The following CCDC83 variants were observed in gnomAD, a reference collection of about 807,000 sequenced individuals.
CCDC83 encodes coiled-coil domain containing 83.
CCDC83 carries 54 observed loss-of-function variants against 50.1 expected under a neutral mutation model. The ratio of observed to expected loss-of-function variants is 1.08; its 90% CI spans 0.87 to 1.35. The LOEUF is 1.35. Among genes scored for constraint, CCDC83 ranks in the 40% most tolerant of loss-of-function variants. The probability of loss-of-function intolerance (pLI) is 0.00; values close to 1 mark genes in which losing one functional copy is unlikely to be tolerated. For missense variants in CCDC83, 518 were observed against 473.9 expected (o/e 1.09, Z -0.86); for synonymous variants, 161 against 153.3 (o/e 1.05, Z -0.37).
At chr11:85,863,309 C>T (rs1032239892) in intron 1 of CCDC83, among the ~76,000 whole-genome samples, 5 of 152,184 alleles carry the variant, frequency 3.3e-5, no homozygotes, top group African/African-American at 1.2e-4. Context: ...TTCAACTCTG[C>T]ATCTGAAACA....
At chr11:85,905,654 A>C (rs1202356162) in intron 7 of CCDC83, among the ~76,000 whole-genome samples, 1 of 151,024 alleles carries the variant, frequency 6.6e-6, no homozygotes, top group Non-Finnish European at 1.5e-5. Context: ...TTAAAACCTC[A>C]AGGTGAGCTC....
intron 10 of CCDC83, among the ~76,000 whole-genome samples, chr11:85,917,590 A>T (rs1300134435): frequency 6.6e-6 from 1 of 152,208 alleles, no homozygotes; most frequent in East Asian, 1.9e-4. Context: ...AGTTACTCCC[A>T]CAGCCATCCC....
chr11:85,902,748 C>G (rs899829473), intron 7 of CCDC83, among the ~76,000 whole-genome samples: 2 of 152,100 alleles, frequency 1.3e-5, no homozygotes, highest in African/African-American at 4.8e-5. Context: ...ACCCCTCCAC[C>G]TTCCCCACCC....
chr11:85,917,514 T>C (rs1455238046), intron 10 of CCDC83, among the ~76,000 whole-genome samples: 2 of 152,216 alleles, frequency 1.3e-5, no homozygotes, highest in African/African-American at 4.8e-5. Context: ...AGATTGCACA[T>C]ATACCATTCA....
At chr11:85,908,679 G>A (rs2093437673) in intron 7 of CCDC83, among the ~76,000 whole-genome samples, 1 of 151,538 alleles carries the variant, frequency 6.6e-6, no homozygotes, top group Admixed American at 6.6e-5. Context: ...GAAGCAAGCA[G>A]CTTGCTTGAA....
At chr11:85,884,521 G>A (rs962564450) in intron 4 of CCDC83, among the ~76,000 whole-genome samples, 1 of 152,110 alleles carries the variant, frequency 6.6e-6, no homozygotes, top group African/African-American at 2.4e-5. Flanking sequence ...TCAGTTGCAA[G>A]GATAAAAAAT....
rs573732429 is a variant in CCDC83, at chr11:85,900,928, G to A, written c.672+1913G>A. On this transcript the variant is annotated intron_variant, in intron 7 of 10. Coordinates refer to ENST00000342404, the MANE Select transcript of CCDC83 (RefSeq NM_001286159.2). ...AAAAATACAAAAGTTAGCTGGTCACGGTGGCTCACACCTGTAGTCCCAGCT... is the reference window on the plus strand; with the variant it reads ...AAAAATACAAAAGTTAGCTGGTCACAGTGGCTCACACCTGTAGTCCCAGCT... Among the ~76,000 whole-genome samples, 62 of 152,022 alleles carry A rather than the reference G, an allele frequency of 4.1e-4. 1 individual carries two copies. The South Asian group carries it at 0.012, about 29-fold the overall frequency.
At position 85,916,024 on chromosome 11, in the gene CCDC83, C is replaced by A. The variant is rs752973146; in HGVS notation, c.875-4C>A. 35 of 1,585,600 alleles carry A rather than the reference C, an allele frequency of 2.2e-5. No homozygotes were observed. In the Admixed American group the frequency reaches 5.9e-4, roughly 27 times the overall value. On this transcript the variant is annotated splice_polypyrimidine_tract_variant and splice_region_variant and intron_variant, in intron 9 of 10. Coordinates refer to ENST00000342404, the MANE Select transcript of CCDC83 (RefSeq NM_001286159.2). ...CATAATTAATTCCTTTGTATTTATC[C>A]AAGAAGAGAAGTCAGAATTGCAACC...
At chr11:85,876,020 C>T (rs1207538715) in intron 3 of CCDC83, among the ~76,000 whole-genome samples, 1 of 152,108 alleles carries the variant, frequency 6.6e-6, no homozygotes, top group Non-Finnish European at 1.5e-5. Context: ...TCTTTTTAGT[C>T]CTTTCTTTAC....
intron 2 of CCDC83, among the ~76,000 whole-genome samples, chr11:85,868,618 G>T (rs2093220868): frequency 6.6e-6 from 1 of 152,198 alleles, no homozygotes; most frequent in Non-Finnish European, 1.5e-5. Flanking sequence ...TTGGCCTCCT[G>T]CCTTGGCCTC....
intron 7 of CCDC83, among the ~76,000 whole-genome samples, chr11:85,905,054 T>C (rs553542644): frequency 9.5e-4 from 144 of 152,222 alleles, no homozygotes; most frequent in Non-Finnish European, 1.8e-3. Flanking sequence ...CCCAGCACTT[T>C]GGGAGGCTGA....
At chr11:85,883,282 CTTTTTCTTT>C (rs1197538408) in intron 4 of CCDC83, among the ~76,000 whole-genome samples, 10 of 151,408 alleles carry the variant, frequency 6.6e-5, no homozygotes, top group African/African-American at 9.7e-5. Flanking sequence ...GGGTTTTGTT[CTTTTTCTTT>C]TTTTTCTTTT....
At chr11:85,913,779 C>T (rs1761172725) in intron 8 of CCDC83, among the ~76,000 whole-genome samples, 1 of 152,194 alleles carries the variant, frequency 6.6e-6, no homozygotes, top group Non-Finnish European at 1.5e-5. Flanking sequence ...GAGGTGACTG[C>T]CCAGGACTCC....
At chr11:85,911,887 C>T (rs182356653) in intron 8 of CCDC83, among the ~76,000 whole-genome samples, 18 of 152,058 alleles carry the variant, frequency 1.2e-4, no homozygotes, top group Non-Finnish European at 2.4e-4. Context: ...CTTGGCATTC[C>T]AAGTCATATT....
chr11:85,867,051 T>G (rs2093211462), intron 2 of CCDC83, among the ~76,000 whole-genome samples: 1 of 152,112 alleles, frequency 6.6e-6, no homozygotes, highest in Non-Finnish European at 1.5e-5. Flanking sequence ...TAGGTCTTTG[T>G]TTAAGAGAGT....
At chr11:85,906,433 G>T (rs1272436090) in intron 7 of CCDC83, among the ~76,000 whole-genome samples, 1 of 152,026 alleles carries the variant, frequency 6.6e-6, no homozygotes, top group Non-Finnish European at 1.5e-5. Context: ...CAAAAAATTT[G>T]CATTTGACTA....
intron 7 of CCDC83, among the ~76,000 whole-genome samples, chr11:85,907,334 T>G (rs1032191806): frequency 6.6e-6 from 1 of 152,224 alleles, no homozygotes; most frequent in Non-Finnish European, 1.5e-5. Flanking sequence ...TTATTTAGCA[T>G]GCTTATTAGA....
At chr11:85,912,480 G>A (rs1291609874) in intron 8 of CCDC83, among the ~76,000 whole-genome samples, 1 of 152,184 alleles carries the variant, frequency 6.6e-6, no homozygotes, top group Non-Finnish European at 1.5e-5. Flanking sequence ...GTGTGCTTCA[G>A]AGAGAGTAGA....
intron 3 of CCDC83, among the ~76,000 whole-genome samples, chr11:85,877,655 C>T (rs764078915): frequency 6.6e-6 from 1 of 152,060 alleles, no homozygotes; most frequent in Non-Finnish European, 1.5e-5. Context: ...TTCTTTGTCA[C>T]TTGTATGTAG....
Sources: allele counts gnomAD v4.1 joint callset (sites outside exome capture counted in the v4.1 genomes callset), GRCh38; gene constraint gnomAD v4.1.1; transcripts MANE v1.5; gene names NCBI Gene and HGNC (gene_info 2026-07-23, HGNC 2026-07-21).